Variants in COX10 observed in about 807,000 individuals in gnomAD.
The protein encoded by COX10 is protoheme IX farnesyltransferase, mitochondrial.
A neutral mutation model predicts 37.3 loss-of-function variants in COX10; 27 were observed. The ratio of observed to expected loss-of-function variants is 0.72; its 90% CI spans 0.53 to 1.00. COX10 has a LOEUF of 1.00. Ranked by LOEUF, COX10 falls within the 50% of genes least tolerant of loss-of-function variation. The probability of loss-of-function intolerance (pLI) is 0.00; values close to 1 mark genes in which losing one functional copy is unlikely to be tolerated. For missense variants in COX10, 475 were observed against 563.2 expected (o/e 0.84, Z 1.59); for synonymous variants, 222 against 229.1 (o/e 0.97, Z 0.28).
rs573776070 is a variant in COX10 at position 14,107,603 on chromosome 17, G to C, written c.624+5361G>C. The stretch of plus-strand genomic sequence containing the variant: ...TCCTGACCACAGCCAAGGTCACCTG[G>C]CTGGCCTCAGCTTTCACCCTCTTTG... On this transcript the variant is annotated intron_variant, in intron 4 of 6. Coordinates refer to ENST00000261643, the MANE Select transcript of COX10 (RefSeq NM_001303.4). Among the ~76,000 whole-genome samples the C allele has an allele frequency of 2.0e-5, 3 of 151,300 alleles. No homozygotes were observed. In the South Asian group the frequency reaches 6.3e-4, roughly 32 times the overall value.
At chr17:14,184,761 C>T (rs1263056855) in intron 5 of COX10, among the ~76,000 whole-genome samples, 6 of 152,134 alleles carry the variant, frequency 3.9e-5, no homozygotes, top group Middle Eastern at 3.4e-3. Context: ...CTAACCAGGC[C>T]GGCCGCAGTC....
rs1323302930 is a variant in COX10, at chr17:14,175,642, A to C, written c.695+15695A>C. Among the ~76,000 whole-genome samples the C allele has an allele frequency of 1.5e-3, 221 of 151,516 alleles. 2 individuals carry two copies. The highest frequency in any genetic ancestry group is 3.6e-3 in the African/African-American group (147 of 40,890). On this transcript the variant is annotated intron_variant, in intron 5 of 6. Transcript: ENST00000261643. Reference sequence around the variant, plus strand: ...ATGACCTGATCCCTGCCTTCATTCCAGTCCGGTGGAGAAGGTAGAACTTTA... The same window carrying C: ...ATGACCTGATCCCTGCCTTCATTCCCGTCCGGTGGAGAAGGTAGAACTTTA...
intron 3 of COX10, among the ~76,000 whole-genome samples, chr17:14,097,847 C>T (rs185788941): frequency 2.4e-4 from 36 of 152,132 alleles, no homozygotes; most frequent in African/African-American, 8.7e-4. Flanking sequence ...ATACATCGTC[C>T]CTTGGAGTAT....
At chr17:14,205,152 T>A (rs1386298541) in intron 6 of COX10, among the ~76,000 whole-genome samples, 5 of 147,546 alleles carry the variant, frequency 3.4e-5, no homozygotes, top group Admixed American at 2.7e-4. Context: ...CCTTTTTTTT[T>A]AATCATGCAA....
intron 3 of COX10, 103 bp downstream of exon 3, chr17:14,077,159 G>C (rs1178627935): frequency 9.2e-7 from 1 of 1,090,238 alleles, no homozygotes; most frequent in African/African-American, 1.6e-5. Flanking sequence ...TGGAACTGCA[G>C]GTCCTGTCTT....
At chr17:14,085,721 G>A (rs1260565144) in intron 3 of COX10, among the ~76,000 whole-genome samples, 1 of 152,004 alleles carries the variant, frequency 6.6e-6, no homozygotes, top group Non-Finnish European at 1.5e-5. Context: ...GATTTTCTGA[G>A]GATAAATGTA....
intron 5 of COX10, among the ~76,000 whole-genome samples, chr17:14,172,536 G>A (rs146305942): frequency 0.013 from 1,937 of 146,310 alleles, 20 homozygotes; most frequent in African/African-American, 0.036. Flanking sequence ...GCATTTTCTC[G>A]TATACCTTTT....
intron 5 of COX10, among the ~76,000 whole-genome samples, chr17:14,166,429 G>A (rs1405983580): frequency 6.6e-6 from 1 of 152,106 alleles, no homozygotes; most frequent in East Asian, 1.9e-4. Context: ...TTGCAACATG[G>A]TTTACTGAAT....
intron 4 of COX10, among the ~76,000 whole-genome samples, chr17:14,117,281 T>C (rs1312629019): frequency 6.6e-6 from 1 of 152,172 alleles, no homozygotes; most frequent in Non-Finnish European, 1.5e-5. Flanking sequence ...TTTCAAAATA[T>C]CAAATCTGTT....
intron 3 of COX10, among the ~76,000 whole-genome samples, chr17:14,084,553 A>G (rs981949672): frequency 2.6e-5 from 4 of 152,170 alleles, no homozygotes; most frequent in African/African-American, 9.7e-5. Flanking sequence ...CTTTTTGTGT[A>G]TCAACATGTT....
chr17:14,109,005 A>G (rs566105520), intron 4 of COX10, among the ~76,000 whole-genome samples: 17 of 152,304 alleles, frequency 1.1e-4, no homozygotes, highest in African/African-American at 3.4e-4. Flanking sequence ...TGAACATCAT[A>G]CATATAAGAA....
rs778372171 is a variant in COX10, at chr17:14,074,410, A to G, written c.131A>G (p.Asn44Ser). 2.5e-6 allele frequency: 4 copies of G among 1,613,986 alleles called. No individual in the cohort carries two copies. In the South Asian group the frequency reaches 3.3e-5, roughly 13 times the overall value. ...HKFLHLLRNV[N>S]KQWITFQHFS... ...TTCTTACATCTTCTCAGGAATGTCA[A>G]TAAGCAGTGGATTACATTTCAGCAC... The change falls in exon 2 of 7, where the codon AAT becomes AGT. Residue 44 changes from asparagine (N) to serine (S), a missense_variant. Around this residue, in one of 5 missense-constraint regions of COX10, gnomAD observed 242 missense variants for 242.5 expected, o/e 1.00. Coordinates refer to ENST00000261643, the MANE Select transcript of COX10 (RefSeq NM_001303.4).
intron 4 of COX10, among the ~76,000 whole-genome samples, chr17:14,132,815 T>C (rs1916496523): frequency 1.3e-5 from 2 of 151,698 alleles, no homozygotes; most frequent in Non-Finnish European, 3.0e-5. Context: ...CAAATACTTA[T>C]TTTCTGTTTA....
At chr17:14,092,228 C>T (rs1396309317) in intron 3 of COX10, among the ~76,000 whole-genome samples, 1 of 152,100 alleles carries the variant, frequency 6.6e-6, no homozygotes. Context: ...ACTTCATTTT[C>T]CTTTTTCTGA....
chr17:14,085,541 A>AT (rs1331702536), intron 3 of COX10, among the ~76,000 whole-genome samples: 1 of 151,872 alleles, frequency 6.6e-6, no homozygotes, highest in Non-Finnish European at 1.5e-5. Flanking sequence ...CCTTTTACAT[A>AT]TTTTTTTCTC....
chr17:14,172,811 C>G (rs1905522949), intron 5 of COX10, among the ~76,000 whole-genome samples: 1 of 151,960 alleles, frequency 6.6e-6, no homozygotes. Context: ...CCTTGGCCTC[C>G]TAAAGTGCTG....
chr17:14,077,409 T>G, intron 3 of COX10: 1 of 297,504 alleles, frequency 3.4e-6, no homozygotes. Context: ...ATGGGAAGAA[T>G]TGCACTACTG....
chr17:14,167,664 G>A (rs1905331466), intron 5 of COX10, among the ~76,000 whole-genome samples: 1 of 152,214 alleles, frequency 6.6e-6, no homozygotes, highest in South Asian at 2.1e-4. Flanking sequence ...GCAGAAGCAA[G>A]CACCTTCCTA....
At chr17:14,204,366 C>G (rs375111447) in intron 6 of COX10, among the ~76,000 whole-genome samples, 1 of 151,962 alleles carries the variant, frequency 6.6e-6, no homozygotes, top group Non-Finnish European at 1.5e-5. Flanking sequence ...ATGACCTCCT[C>G]TCCCCTTCTT....
Sources: allele counts gnomAD v4.1 joint callset (sites outside exome capture counted in the v4.1 genomes callset), GRCh38; gene constraint gnomAD v4.1.1; regional missense constraint gnomAD v4.1.1; transcripts MANE v1.5; gene names NCBI Gene and HGNC (gene_info 2026-07-23, HGNC 2026-07-21).